KDM4B: variants seen among roughly 807,000 people sequenced by gnomAD.
KDM4B encodes the protein lysine-specific demethylase 4B.
A neutral mutation model predicts 125.2 loss-of-function variants in KDM4B; 32 were observed. That is an observed-to-expected ratio of 0.26 (90% CI 0.19 to 0.34). The LOEUF (loss-of-function observed/expected upper bound fraction) is 0.34. Among genes scored for constraint, KDM4B ranks in the 10% least tolerant of loss-of-function variants. The pLI is 1.00. For synonymous variants in KDM4B, 721 were observed against 677.9 expected, an observed-to-expected ratio of 1.06 and a Z score of -0.99; for missense variants, 1,190 against 1,577.7, an observed-to-expected ratio of 0.75 and a Z score of 4.16.
chr19:5,142,571 C>T lies in KDM4B; in HGVS notation c.2551-1396C>T, dbSNP rs568231061. Among the ~76,000 whole-genome samples the T allele has an allele frequency of 1.9e-4, 29 of 151,892 alleles. No individual in the cohort carries two copies. Among genetic ancestry groups the T allele is most frequent in the African/African-American group, 5.3e-4 (22 of 41,426 alleles). On this transcript the variant is annotated intron_variant, in intron 18 of 22. Coordinates refer to ENST00000159111, the MANE Select transcript of KDM4B (RefSeq NM_015015.3). The surrounding 1 kb of genome is among the most constrained non-coding windows in gnomAD (Gnocchi z 5.4). ...GGCTGGGTTTCTCCTGGGCCTGGGCCGAGGGGTGGAGGCCTGTGGGTGACG... is the reference window on the plus strand; with the variant it reads ...GGCTGGGTTTCTCCTGGGCCTGGGCTGAGGGGTGGAGGCCTGTGGGTGACG...
At chr19:5,147,787 CG>C (rs1003011317) in intron 21 of KDM4B, among the ~76,000 whole-genome samples, 2 of 148,218 alleles carry the variant, frequency 1.3e-5, no homozygotes, top group Non-Finnish European at 3.0e-5. Context: ...GTGCTCGGGG[CG>C]GGGGGGCAGA....
chr19:5,099,347 C>T (rs1416944844), intron 9 of KDM4B, among the ~76,000 whole-genome samples: 2 of 152,302 alleles, frequency 1.3e-5, no homozygotes, highest in South Asian at 2.1e-4. Flanking sequence ...CGGTGGATCC[C>T]TGCACCATCA....
intron 9 of KDM4B, among the ~76,000 whole-genome samples, chr19:5,098,689 A>C (rs976955738): frequency 2.6e-5 from 4 of 152,122 alleles, no homozygotes; most frequent in African/African-American, 4.8e-5. Flanking sequence ...CGACGAGGGC[A>C]TGAGGGTGAT....
intron 1 of KDM4B, among the ~76,000 whole-genome samples, chr19:4,990,774 GGCCCTTCTTAGT>G: frequency 6.6e-6 from 1 of 152,226 alleles, no homozygotes; most frequent in South Asian, 2.1e-4. Context: ...GGATGGATAA[GGCCCTTCTTAGT>G]GCTATTCTTG....
At chr19:5,001,720 C>T (rs1329565506) in intron 1 of KDM4B, among the ~76,000 whole-genome samples, 1 of 152,172 alleles carries the variant, frequency 6.6e-6, no homozygotes, top group African/African-American at 2.4e-5. Context: ...TCCCCTGCCT[C>T]GCCAGCAGGG....
chr19:5,110,736 A>G lies in KDM4B; in HGVS notation c.1033A>G (p.Thr345Ala), dbSNP rs1466512977. The change falls in exon 10 of 23, where the codon ACG becomes GCG. Residue 345 changes from threonine (T) to alanine (A), a missense_variant. Thr to Ala is a moderately conservative substitution (Grantham distance 58). Around this residue, in one of 7 missense-constraint regions of KDM4B, gnomAD observed 428 missense variants for 405.1 expected, o/e 1.06. Coordinates refer to ENST00000159111, the MANE Select transcript of KDM4B (RefSeq NM_015015.3). ...QGKDLTVLDH[T>A]RPTALTSPEL... ...CAAGGACCTCACGGTGCTGGACCAC[A>G]CGCGGCCCACGGCGCTCACCAGCCC... The G allele has an allele frequency of 4.3e-6, 7 of 1,612,038 alleles. No homozygotes were observed. Among genetic ancestry groups the G allele is most frequent in the Admixed American group, 1.7e-5 (1 of 59,940 alleles).
intron 3 of KDM4B, among the ~76,000 whole-genome samples, chr19:5,038,826 C>T (rs181111327): frequency 2.6e-5 from 4 of 152,388 alleles, no homozygotes; most frequent in Admixed American, 1.3e-4. Flanking sequence ...AGCTCCTGTC[C>T]TGCCTCACGG....
At chr19:5,108,396 T>C (rs2039076264) in intron 9 of KDM4B, among the ~76,000 whole-genome samples, 1 of 152,210 alleles carries the variant, frequency 6.6e-6, no homozygotes, top group African/African-American at 2.4e-5. Flanking sequence ...TATTCCCTCC[T>C]GCTCAGCATG....
intron 6 of KDM4B, among the ~76,000 whole-genome samples, chr19:5,060,544 C>T (rs2037561383): frequency 6.8e-6 from 1 of 147,052 alleles, no homozygotes. Flanking sequence ...TTGTTCTCTC[C>T]TTTTTAAACC....
intron 21 of KDM4B, among the ~76,000 whole-genome samples, 191 bp from the exon 22 acceptor site, chr19:5,150,167 C>A (rs1339549238): frequency 6.6e-6 from 1 of 152,250 alleles, no homozygotes; most frequent in East Asian, 1.9e-4. Context: ...TGGTACGGGA[C>A]CCTCAGCCTG....
chr19:5,024,424 C>T (rs1016873317), intron 2 of KDM4B, among the ~76,000 whole-genome samples: 4 of 152,106 alleles, frequency 2.6e-5, no homozygotes, highest in African/African-American at 9.7e-5. Context: ...AGTGTGTCAG[C>T]GATCAGGAGA....
intron 17 of KDM4B, 73 bp downstream of exon 17, chr19:5,137,749 G>A: frequency 7.2e-7 from 1 of 1,387,660 alleles, no homozygotes; most frequent in East Asian, 2.4e-5. Context: ...TGCAGGGTGT[G>A]ACCCCAGTGC....
chr19:5,125,498 C>T (rs2039433414), intron 11 of KDM4B, among the ~76,000 whole-genome samples: 3 of 152,212 alleles, frequency 2.0e-5, no homozygotes, highest in African/African-American at 4.8e-5. Context: ...AGCTGCCTGG[C>T]GTAGGTGAGG....
intron 1 of KDM4B, among the ~76,000 whole-genome samples, chr19:4,973,177 T>C (rs2034320820): frequency 1.3e-5 from 2 of 152,214 alleles, no homozygotes; most frequent in South Asian, 4.1e-4. Context: ...GTTAATGTGC[T>C]AGTTGCACAT....
intron 10 of KDM4B, 80 bp from the exon 11 acceptor site, chr19:5,119,573 G>T (rs1489713618): frequency 7.3e-7 from 1 of 1,370,556 alleles, no homozygotes; most frequent in Non-Finnish European, 1.0e-6. Context: ...CGGGGGCTGC[G>T]TGCTGCCGGA....
chr19:5,048,827 G>A (rs1203305741), intron 6 of KDM4B, among the ~76,000 whole-genome samples: 6 of 152,190 alleles, frequency 3.9e-5, no homozygotes, highest in African/African-American at 9.7e-5. Context: ...CATAGGGACC[G>A]TCTGCCCTGT....
In KDM4B at chr19:5,114,192, G is replaced by A. The variant is rs946744047; in HGVS notation, c.1115+3374G>A. On this transcript the variant is annotated intron_variant, in intron 10 of 22. Transcript: ENST00000159111. The surrounding 1 kb of genome is among the most constrained non-coding windows in gnomAD (Gnocchi z 5.8). ...TCCTCCATGCAAACTCTTTCCACGC[G>A]AGAAGCGCCATGTGCACGTGCTCCA... is the stretch of plus-strand genomic sequence containing the variant. 18 of 1,289,632 alleles carry A rather than the reference G, an allele frequency of 1.4e-5. No individual in the cohort carries two copies. The highest frequency in any genetic ancestry group is 2.3e-5 in the Admixed American group (1 of 43,546). The allele number at this position is 1,289,632 out of a possible 1,614,324, so 79.9% of individuals were successfully genotyped here.
chr19:5,031,399 C>T lies in KDM4B; in HGVS notation c.-25-1467C>T, dbSNP rs372908439. Among the ~76,000 whole-genome samples the T allele has an allele frequency of 9.9e-4, 151 of 152,358 alleles. 3 individuals are homozygous for T. The South Asian group carries it at 0.019, about 20-fold the overall frequency. ...TTCTAGGCTGCACGTGGTCACGTGC[C>T]GTGCACGGTGCACTTGGGGCCTCCT... On this transcript the variant is annotated intron_variant, in intron 2 of 22. Transcript: ENST00000159111.
At chr19:5,103,825 C>T (rs2038984138) in intron 9 of KDM4B, among the ~76,000 whole-genome samples, 1 of 152,200 alleles carries the variant, frequency 6.6e-6, no homozygotes, top group Admixed American at 6.5e-5. Flanking sequence ...GTGAGGCTCG[C>T]TCCACACCCT....
Sources: gnomAD v4.1 joint callset for allele counts (sites outside exome capture counted in the v4.1 genomes callset) on GRCh38, gnomAD v4.1.1 for gene constraint, gnomAD v4.1.1 regional missense constraint, Gnocchi (gnomAD v3.1) non-coding constraint, MANE v1.5 for transcripts, NCBI Gene and HGNC (gene_info 2026-07-23, HGNC 2026-07-21) for gene names.